The following MED14 variants were observed in gnomAD, a reference collection of about 807,000 sequenced individuals.
MED14 encodes the protein mediator of RNA polymerase II transcription subunit 14.
A neutral mutation model predicts 109.0 loss-of-function variants in MED14; 8 were observed. The ratio of observed to expected loss-of-function variants is 0.07; its 90% CI spans 0.04 to 0.13. The LOEUF is 0.13. Among genes scored for constraint, MED14 ranks in the 10% least tolerant of loss-of-function variants. MED14 has a pLI of 1.00. For synonymous variants in MED14, 399 were observed against 408.7 expected (o/e 0.98, Z 0.29); for missense variants, 711 against 1,142.4 (o/e 0.62, Z 5.44).
intron 2 of MED14, 115 bp downstream of exon 2, chrX:40,729,204 A>T: frequency 1.5e-6 from 1 of 656,948 alleles, no homozygotes; most frequent in Non-Finnish European, 2.3e-6. Context: ...AAATCATTCT[A>T]GACTCTTTGG....
intron 26 of MED14, 89 bp downstream of exon 26, chrX:40,662,836 T>C (rs1198935240): frequency 3.1e-6 from 2 of 638,500 alleles, no homozygotes; most frequent in East Asian, 7.2e-5. Context: ...GGTGAAGGAA[T>C]GTCACGTTAG....
At position 40,735,509 on chromosome X, in the gene MED14, C is replaced by A. The variant is rs1179469350; in HGVS notation, c.-97G>T. On this transcript the variant is annotated 5_prime_UTR_variant, in exon 1 of 31. Coordinates refer to ENST00000324817, the MANE Select transcript of MED14 (RefSeq NM_004229.4). ...GCGCCGAAACGGGAGCGGGCAGAGT[C>A]GCCACCGCCTACCGCCGGGCCGCCT... The A allele has an allele frequency of 2.4e-6, 2 of 820,652 alleles. No homozygotes were observed. The highest frequency in any genetic ancestry group is 2.6e-5 in the Admixed American group (1 of 38,086). The allele number at this position is 820,652 out of a possible 1,213,427, so 67.6% of individuals were successfully genotyped here.
At chrX:40,658,111 G>A (rs958936113) in intron 28 of MED14, among the ~76,000 whole-genome samples, 4 of 101,871 alleles carry the variant, frequency 3.9e-5, no homozygotes, top group Admixed American at 3.2e-4. Context: ...GTGTGTGTGT[G>A]AGACAGTCTC....
intron 10 of MED14, among the ~76,000 whole-genome samples, chrX:40,706,420 C>CTT (rs1190299534): frequency 9.0e-6 from 1 of 111,163 alleles, no homozygotes; most frequent in African/African-American, 3.3e-5. Flanking sequence ...CTAAGTCACC[C>CTT]TTCTCTAACA....
intron 21 of MED14, among the ~76,000 whole-genome samples, chrX:40,679,466 C>T (rs966380558): frequency 5.4e-5 from 6 of 111,589 alleles, no homozygotes; most frequent in South Asian, 3.8e-4. Flanking sequence ...AAGATTGTGC[C>T]GCTGCACTCC....
chrX:40,690,058 C>T (rs1250922672), intron 15 of MED14, among the ~76,000 whole-genome samples: 1 of 112,223 alleles, frequency 8.9e-6, no homozygotes, highest in African/African-American at 3.2e-5. Context: ...CTCAGCACCA[C>T]ATATCCATCT....
At chrX:40,654,009 G>C (rs1928967600) in intron 30 of MED14, 1 of 178,447 alleles carries the variant, frequency 5.6e-6, no homozygotes, top group African/African-American at 3.0e-5. Context: ...AGAGTGGCAG[G>C]TATTGATGGT....
chrX:40,701,048 A>C, intron 12 of MED14, 117 bp downstream of exon 12: 1 of 454,537 alleles, frequency 2.2e-6, no homozygotes, highest in Non-Finnish European at 3.7e-6. Flanking sequence ...ACGGCACTTA[A>C]GTTTCATGTC....
rs1461138104 is a variant in MED14, at chrX:40,659,512, C to T, written c.3780G>A (p.Thr1260=). 5 of 1,211,007 alleles carry T rather than the reference C, an allele frequency of 4.1e-6. No individual in the cohort carries two copies. Among genetic ancestry groups the T allele is most frequent in the Non-Finnish European group, 5.6e-6 (5 of 894,766 alleles). Residue 1260 remains threonine (T), a synonymous_variant, in exon 27 of 31, where the codon ACG becomes ACA. Transcript: ENST00000324817. ...RVALSPKTNQ[T]LQLKVTPENA... is the part of the protein sequence containing the mutation. Reference sequence around the variant, plus strand: ...TTTCAGGTGTCACTTTTAGCTGAAGCGTTTGGTTGGTTTTGGGACTAAGAG... The same window carrying T: ...TTTCAGGTGTCACTTTTAGCTGAAGTGTTTGGTTGGTTTTGGGACTAAGAG...
At chrX:40,662,685 T>A (rs1441564947) in intron 26 of MED14, among the ~76,000 whole-genome samples, 9 of 112,306 alleles carry the variant, frequency 8.0e-5, no homozygotes, top group African/African-American at 2.9e-4. Flanking sequence ...GTTAGCCATA[T>A]AACATAGAAG....
intron 6 of MED14, 75 bp downstream of exon 6, chrX:40,712,839 G>A (rs879006871): frequency 2.3e-5 from 22 of 968,575 alleles, no homozygotes; most frequent in African/African-American, 3.9e-5. Context: ...ATCCCCAGCC[G>A]GGAATATTTC....
rs757812210 is a variant in MED14 at position 40,692,920 on chromosome X, A to G, written c.1651-18T>C. The stretch of plus-strand genomic sequence containing the variant: ...TCCACAACCTAAAAATCCCAAAAAG[A>G]AATAAGACTTAGAGAAATAAGAAGT... On this transcript the variant is annotated intron_variant, in intron 13 of 30. Coordinates refer to ENST00000324817, the MANE Select transcript of MED14 (RefSeq NM_004229.4). 4.0e-4 allele frequency: 449 copies of G among 1,110,367 alleles called. 4 individuals are homozygous for G. In the South Asian group the frequency reaches 9.9e-3, roughly 25 times the overall value. 91.5% of individuals were successfully genotyped at this position (1,110,367 alleles called of 1,213,427 possible). A position where few individuals can be genotyped will look rare whatever the true frequency, so the allele number is the denominator to read the frequency against.
intron 30 of MED14, chrX:40,653,922 T>G (rs1569276921): frequency 8.4e-6 from 1 of 118,794 alleles, no homozygotes; most frequent in Non-Finnish European, 1.8e-5. Flanking sequence ...GATACAGAAC[T>G]TTTAATAATA....
At chrX:40,679,173 T>C in intron 21 of MED14, among the ~76,000 whole-genome samples, 1 of 111,921 alleles carries the variant, frequency 8.9e-6, no homozygotes, top group Middle Eastern at 4.6e-3. Context: ...GTTACTGTGA[T>C]TCTAGCACTT....
chrX:40,665,126 A>G (rs746760205), intron 24 of MED14, among the ~76,000 whole-genome samples: 1 of 112,553 alleles, frequency 8.9e-6, no homozygotes, highest in South Asian at 3.6e-4. Flanking sequence ...TTTACCATGT[A>G]TATGTCAGAG....
chrX:40,720,484 G>A (rs767430676), intron 3 of MED14, among the ~76,000 whole-genome samples: 9 of 111,972 alleles, frequency 8.0e-5, no homozygotes, highest in Admixed American at 6.6e-4. Context: ...CCATCGCAGC[G>A]GTTGGAACTT....
At chrX:40,716,615 C>T (rs1470830227) in intron 3 of MED14, among the ~76,000 whole-genome samples, 1 of 106,254 alleles carries the variant, frequency 9.4e-6, no homozygotes, top group South Asian at 4.1e-4. Flanking sequence ...CCACTAACAA[C>T]TAAAAATATA....
chrX:40,715,225 A>G (rs1249504798), intron 3 of MED14, among the ~76,000 whole-genome samples: 1 of 111,604 alleles, frequency 9.0e-6, no homozygotes, highest in Non-Finnish European at 1.9e-5. Context: ...TGTTCTCTGT[A>G]TTAAGAGATA....
chrX:40,673,616 G>A (rs1270022550), intron 22 of MED14, among the ~76,000 whole-genome samples: 2 of 110,854 alleles, frequency 1.8e-5, no homozygotes, highest in Non-Finnish European at 3.8e-5. Flanking sequence ...GCAGGCCAAG[G>A]CGGGCAGATT....
Sources: allele counts gnomAD v4.1 joint callset (sites outside exome capture counted in the v4.1 genomes callset), GRCh38; gene constraint gnomAD v4.1.1; transcripts MANE v1.5; gene names NCBI Gene and HGNC (gene_info 2026-07-23, HGNC 2026-07-21).